The following RIMS2 variants were observed in gnomAD, a reference collection of about 807,000 sequenced individuals.
The protein encoded by RIMS2 is regulating synaptic membrane exocytosis 2.
RIMS2 carries 59 observed loss-of-function variants against 174.4 expected under a neutral mutation model. That is an observed-to-expected ratio of 0.34 (90% CI 0.27 to 0.42). RIMS2 has a LOEUF of 0.42. Ranked by LOEUF, RIMS2 falls within the 10% of genes least tolerant of loss-of-function variation. The pLI, the probability that RIMS2 is intolerant of heterozygous loss-of-function variation, is 1.00. For missense variants in RIMS2, 1,620 were observed against 1,666.3 expected (o/e 0.97, Z 0.48); for synonymous variants, 606 against 572.5 (o/e 1.06, Z -0.84).
intron 19 of RIMS2, among the ~76,000 whole-genome samples, chr8:104,221,286 C>A (rs1168149414): frequency 6.6e-6 from 1 of 152,078 alleles, no homozygotes; most frequent in East Asian, 1.9e-4. Flanking sequence ...ATTCATAAAA[C>A]AATAGTGCAA....
chr8:103,579,322 G>A (rs536620692), intron 1 of RIMS2, among the ~76,000 whole-genome samples: 1 of 151,798 alleles, frequency 6.6e-6, no homozygotes, highest in East Asian at 1.9e-4. Context: ...ATGCCAAAGG[G>A]AGTTATTCAA....
At chr8:103,699,519 C>T (rs1192079829) in intron 2 of RIMS2, among the ~76,000 whole-genome samples, 1 of 152,170 alleles carries the variant, frequency 6.6e-6, no homozygotes, top group Non-Finnish European at 1.5e-5. Flanking sequence ...TGTGAGCCAC[C>T]ACGTCTGGCC....
At chr8:103,705,137 T>G (rs1483926859) in intron 2 of RIMS2, among the ~76,000 whole-genome samples, 2 of 152,078 alleles carry the variant, frequency 1.3e-5, no homozygotes, top group Non-Finnish European at 2.9e-5. Context: ...TTTTAGTAAT[T>G]TAGTATTTCC....
chr8:104,233,541 T>C (rs1412925539), intron 19 of RIMS2, among the ~76,000 whole-genome samples: 3 of 152,168 alleles, frequency 2.0e-5, no homozygotes, highest in Admixed American at 2.0e-4. Flanking sequence ...AGTTTACTCA[T>C]CTGGCAACCC....
At chr8:103,758,488 C>A (rs2098060888) in intron 2 of RIMS2, among the ~76,000 whole-genome samples, 1 of 152,138 alleles carries the variant, frequency 6.6e-6, no homozygotes. Flanking sequence ...ATTTCCACAG[C>A]ATTTTTTTCA....
At chr8:103,937,515 A>G (rs927563303) in intron 13 of RIMS2, among the ~76,000 whole-genome samples, 34 of 152,340 alleles carry the variant, frequency 2.2e-4, no homozygotes, top group Non-Finnish European at 4.9e-4. Context: ...GGAATTTACA[A>G]TTCATTGGTG....
intron 1 of RIMS2, among the ~76,000 whole-genome samples, chr8:103,574,205 C>G (rs1269250572): frequency 1.3e-5 from 2 of 152,032 alleles, no homozygotes; most frequent in Non-Finnish European, 2.9e-5. Flanking sequence ...TTACTGGATG[C>G]TATTCAAATA....
At position 103,876,864 on chromosome 8, in the gene RIMS2, T is replaced by TTTTATATATATA. The variant is rs1378279723; in HGVS notation, c.699-8433_699-8432insTTATATATATAT. Among the ~76,000 whole-genome samples the TTTTATATATATA allele has an allele frequency of 1.6e-3, 109 of 67,978 alleles. 3 individuals are homozygous for TTTTATATATATA. Among genetic ancestry groups the TTTTATATATATA allele is most frequent in the Non-Finnish European group, 2.4e-3 (78 of 32,392 alleles). The allele number at this position is 67,978 out of a possible 152,430, so 44.6% of individuals were successfully genotyped here. A position where few individuals can be genotyped will look rare whatever the true frequency, so the allele number is the denominator to read the frequency against. On this transcript the variant is annotated intron_variant, in intron 3 of 23. Transcript: ENST00000504942. ...TGTATATATACACACACACACTATT[T>TTTTATATATATA]TATATATATATATATATATATATAT...
intron 1 of RIMS2, among the ~76,000 whole-genome samples, chr8:103,606,573 A>G (rs1450684484): frequency 3.3e-5 from 5 of 152,072 alleles, no homozygotes; most frequent in Non-Finnish European, 7.4e-5. Context: ...TTTCTGTCTC[A>G]TTGATCTGTC....
chr8:103,580,871 C>G (rs1013450966), intron 1 of RIMS2, among the ~76,000 whole-genome samples: 12 of 142,670 alleles, frequency 8.4e-5, no homozygotes, highest in African/African-American at 2.6e-4. Context: ...GCTCTGTCAC[C>G]CAGGCTGGAG....
chr8:103,980,711 G>A (rs1020901723), intron 16 of RIMS2, among the ~76,000 whole-genome samples: 18 of 152,162 alleles, frequency 1.2e-4, no homozygotes, highest in Admixed American at 3.3e-4. Flanking sequence ...TGAAGGGTGA[G>A]TCACAGGCCT....
intron 1 of RIMS2, among the ~76,000 whole-genome samples, chr8:103,550,742 CAAAT>C (rs1252551412): frequency 2.0e-5 from 3 of 151,962 alleles, no homozygotes; most frequent in Middle Eastern, 6.8e-3. Context: ...AGAGAAGTAT[CAAAT>C]AGATACAATA....
At chr8:103,811,923 T>G (rs2098690142) in intron 3 of RIMS2, among the ~76,000 whole-genome samples, 1 of 152,234 alleles carries the variant, frequency 6.6e-6, no homozygotes. Context: ...ATGGTGTGGC[T>G]TCACACATTT....
At chr8:103,738,953 T>C (rs2097723464) in intron 2 of RIMS2, among the ~76,000 whole-genome samples, 1 of 152,136 alleles carries the variant, frequency 6.6e-6, no homozygotes, top group Admixed American at 6.5e-5. Flanking sequence ...AGTTCAACCA[T>C]TGTGGAAGAC....
chr8:103,899,747 G>T (rs2099316659), intron 4 of RIMS2, among the ~76,000 whole-genome samples: 1 of 151,640 alleles, frequency 6.6e-6, no homozygotes, highest in African/African-American at 2.4e-5. Context: ...GTCAATTTTG[G>T]CTTTTGTTGC....
chr8:103,966,625 TA>T (rs745768907), intron 15 of RIMS2, among the ~76,000 whole-genome samples: 15 of 152,142 alleles, frequency 9.9e-5, no homozygotes, highest in Non-Finnish European at 2.2e-4. Context: ...TTACTGACTC[TA>T]ATTCTACTAT....
At chr8:103,533,147 C>A (rs1444050576) in intron 1 of RIMS2, among the ~76,000 whole-genome samples, 1 of 152,170 alleles carries the variant, frequency 6.6e-6, no homozygotes, top group Non-Finnish European at 1.5e-5. Context: ...CTAAGTGGTT[C>A]TCTTGTTAGC....
At chr8:104,100,345 T>C (rs1318983772) in intron 19 of RIMS2, among the ~76,000 whole-genome samples, 2 of 152,170 alleles carry the variant, frequency 1.3e-5, no homozygotes, top group African/African-American at 2.4e-5. Context: ...TAGTTTTTTG[T>C]TGATTCCTTA....
chr8:103,772,754 A>T (rs1311898677), intron 3 of RIMS2, among the ~76,000 whole-genome samples: 1 of 152,176 alleles, frequency 6.6e-6, no homozygotes, highest in Non-Finnish European at 1.5e-5. Context: ...CATAAAGACA[A>T]ATAGATCAGT....
Sources: gnomAD v4.1 joint callset for allele counts (sites outside exome capture counted in the v4.1 genomes callset) on GRCh38, gnomAD v4.1.1 for gene constraint, MANE v1.5 for transcripts, NCBI Gene and HGNC (gene_info 2026-07-23, HGNC 2026-07-21) for gene names.